RHOH: variants seen among roughly 807,000 people sequenced by gnomAD.
The protein encoded by RHOH is rho-related GTP-binding protein RhoH.
Under a neutral mutation model 13.8 loss-of-function variants are expected in RHOH, and 6 were observed. That is an observed-to-expected ratio of 0.44 (90% CI 0.24 to 0.86). The LOEUF is 0.86. Ranked by LOEUF, RHOH falls within the 40% of genes least tolerant of loss-of-function variation. The pLI is 0.24. For missense variants in RHOH, 147 were observed against 244.5 expected, an observed-to-expected ratio of 0.60 and a Z score of 2.66; for synonymous variants, 117 against 103.0, an observed-to-expected ratio of 1.14 and a Z score of -0.82.
At chr4:40,224,791 T>C (rs1273430092) in intron 1 of RHOH, among the ~76,000 whole-genome samples, 1 of 152,264 alleles carries the variant, frequency 6.6e-6, no homozygotes, top group Non-Finnish European at 1.5e-5. Flanking sequence ...AATTCCGTTA[T>C]TCTCTCAGAG....
At chr4:40,212,917 GA>G (rs954695644) in intron 1 of RHOH, 6 of 152,218 alleles carry the variant, frequency 3.9e-5, no homozygotes, top group African/African-American at 1.4e-4. Context: ...ATAGATTGGG[GA>G]ACTGCTTCCT....
intron 1 of RHOH, among the ~76,000 whole-genome samples, chr4:40,231,718 TC>T (rs1174578823): frequency 6.6e-6 from 1 of 152,214 alleles, no homozygotes; most frequent in Admixed American, 6.5e-5. Flanking sequence ...CAGCATCTGC[TC>T]TGGATAAAGT....
upstream of RHOH, among the ~76,000 whole-genome samples, chr4:40,196,374 C>A (rs1030755311): frequency 1.3e-5 from 2 of 152,114 alleles, no homozygotes; most frequent in Non-Finnish European, 2.9e-5. Flanking sequence ...GGTCTCTACA[C>A]CTGGATTGCC....
At chr4:40,230,127 C>T (rs1727733611) in intron 1 of RHOH, among the ~76,000 whole-genome samples, 1 of 152,156 alleles carries the variant, frequency 6.6e-6, no homozygotes, top group Non-Finnish European at 1.5e-5. Flanking sequence ...TCACTGCGAC[C>T]TCTGCCTCCT....
rs1169514850 is a variant in RHOH, at chr4:40,243,283, C to G, written c.-104C>G. The G allele has an allele frequency of 1.0e-6, 1 of 975,326 alleles. No individual in the cohort carries two copies. Among genetic ancestry groups the G allele is most frequent in the Admixed American group, 2.6e-5 (1 of 38,180 alleles). The allele number at this position is 975,326 out of a possible 1,614,324, so 60.4% of individuals were successfully genotyped here. A position where few individuals can be genotyped will look rare whatever the true frequency, so the allele number is the denominator to read the frequency against. On this transcript the variant is annotated 5_prime_UTR_variant, in exon 3 of 3. Coordinates refer to ENST00000381799, the MANE Select transcript of RHOH (RefSeq NM_004310.5). This position sits in a 1 kb window ranked among gnomAD's most constrained non-coding sequence, Gnocchi z 6.2. ...CAGAGGTCCTGAGGACACAGACCTA[C>G]CTGGCTTGCATTCCCCTTGCTGAAT...
chr4:40,207,559 C>T (rs1724790195), intron 1 of RHOH, among the ~76,000 whole-genome samples: 1 of 152,146 alleles, frequency 6.6e-6, no homozygotes, highest in African/African-American at 2.4e-5. Context: ...TTGGATTTCC[C>T]CAAGTACTAC....
Position 40,243,423 on chromosome 4 carries a change from T to G in RHOH, c.37T>G (p.Ser13Ala). ...SSIKCVLVGD[S>A]AVGKTSLLVR... The stretch of plus-strand genomic sequence containing the variant: ...CATCAAGTGCGTGTTGGTGGGCGAC[T>G]CTGCTGTGGGGAAAACCTCTCTGTT... The change falls in exon 3 of 3, where the codon TCT (serine) becomes GCT (alanine). Residue 13 changes from serine (S) to alanine (A), a missense_variant. This residue lies in a region of RHOH where 80 missense variants were observed against 152.0 expected (regional missense o/e 0.53). Transcript: ENST00000381799. The surrounding 1 kb of genome is among the most constrained non-coding windows in gnomAD (Gnocchi z 6.2). The G allele has an allele frequency of 6.2e-7, 1 of 1,608,116 alleles. No homozygotes were observed. Among genetic ancestry groups the G allele is most frequent in the Non-Finnish European group, 8.5e-7 (1 of 1,176,466 alleles).
intron 1 of RHOH, among the ~76,000 whole-genome samples, chr4:40,238,785 G>C (rs1037504775): frequency 2.6e-5 from 4 of 152,300 alleles, no homozygotes; most frequent in African/African-American, 7.2e-5. Flanking sequence ...TCCGTACGAA[G>C]AGACATACTT....
chr4:40,192,386 G>T (rs1722739947), upstream of RHOH, among the ~76,000 whole-genome samples: 1 of 152,206 alleles, frequency 6.6e-6, no homozygotes, highest in South Asian at 2.1e-4. Flanking sequence ...TAGCAAGGGG[G>T]AGGGAAAGGC....
chr4:40,217,449 T>A (rs1480102151), intron 1 of RHOH, among the ~76,000 whole-genome samples: 1 of 152,186 alleles, frequency 6.6e-6, no homozygotes, highest in Non-Finnish European at 1.5e-5. Flanking sequence ...ACACAAAAAA[T>A]TTGTAATTGC....
At chr4:40,217,953 C>T (rs1579278756) in intron 1 of RHOH, 1 of 152,178 alleles carries the variant, frequency 6.6e-6, no homozygotes, top group African/African-American at 2.4e-5. Context: ...CTTCTAAGAG[C>T]AGATGGTCAG....
In RHOH at chr4:40,245,747, G is replaced by C. The variant is rs1729727470; in HGVS notation, c.*1785G>C. The C allele has an allele frequency of 6.6e-6, 1 of 152,118 alleles. No homozygotes were observed. Among genetic ancestry groups the C allele is most frequent in the Admixed American group, 6.5e-5 (1 of 15,268 alleles). The allele number at this position is 152,118 out of a possible 1,614,324, so 9.4% of individuals were successfully genotyped here. On this transcript the variant is annotated 3_prime_UTR_variant, in exon 3 of 3. Transcript: ENST00000381799. ...CTTTGATTAGAATTATGTTGACATA[G>C]CCAAACCAGTTTCTCTGTTCCCTTG...
chr4:40,201,144 T>G (rs1442351299), intron 1 of RHOH, among the ~76,000 whole-genome samples: 1 of 152,196 alleles, frequency 6.6e-6, no homozygotes, highest in Non-Finnish European at 1.5e-5. Context: ...AATAAATGAT[T>G]GAATCATTTG....
At chr4:40,213,241 TTACCCATGGG>T (rs1180984818) in intron 1 of RHOH, among the ~76,000 whole-genome samples, 1 of 152,152 alleles carries the variant, frequency 6.6e-6, no homozygotes, top group African/African-American at 2.4e-5. Context: ...GAGACACAGT[TTACCCATGGG>T]TAGCTAACTA....
chr4:40,230,812 A>C (rs59213580), intron 1 of RHOH, among the ~76,000 whole-genome samples: 4,000 of 152,150 alleles, frequency 0.026, 142 homozygotes, highest in African/African-American at 0.073. Context: ...AGACCTTTAA[A>C]AGGGAATCAG....
intron 1 of RHOH, among the ~76,000 whole-genome samples, chr4:40,214,584 G>A (rs751577879): frequency 2.6e-5 from 4 of 152,202 alleles, no homozygotes; most frequent in Non-Finnish European, 5.9e-5. Flanking sequence ...ACTACATGAA[G>A]AGGATTAGAG....
In RHOH at chr4:40,244,402, C is replaced by G. The variant is rs1371385955; in HGVS notation, c.*440C>G. The G allele has an allele frequency of 4.4e-6, 1 of 225,802 alleles. No individual in the cohort carries two copies. The highest frequency in any genetic ancestry group is 9.6e-6 in the Non-Finnish European group (1 of 104,450). 14.0% of individuals were successfully genotyped at this position (225,802 alleles called of 1,614,324 possible). On this transcript the variant is annotated 3_prime_UTR_variant, in exon 3 of 3. Coordinates refer to ENST00000381799, the MANE Select transcript of RHOH (RefSeq NM_004310.5). ...CTCCTCTGTGAGTGAAATGCTTGTA[C>G]GAAGCTCTGCCATATGTTTGTAGTG...
upstream of RHOH, among the ~76,000 whole-genome samples, chr4:40,195,334 C>T (rs1273981898): frequency 6.7e-6 from 1 of 148,634 alleles, no homozygotes; most frequent in Non-Finnish European, 1.5e-5. Context: ...GAGGATTTTC[C>T]CTTTCTTTCC....
At chr4:40,202,202 C>A (rs773239696) in intron 1 of RHOH, among the ~76,000 whole-genome samples, 4 of 152,124 alleles carry the variant, frequency 2.6e-5, no homozygotes, top group Non-Finnish European at 4.4e-5. Flanking sequence ...CTGCCTTGGC[C>A]TCCCAAAGTG....
Sources: allele counts gnomAD v4.1 joint callset (sites outside exome capture counted in the v4.1 genomes callset), GRCh38; gene constraint gnomAD v4.1.1; regional missense constraint gnomAD v4.1.1; non-coding constraint Gnocchi (gnomAD v3.1); transcripts MANE v1.5; gene names NCBI Gene and HGNC (gene_info 2026-07-23, HGNC 2026-07-21).